Variants in FAM131B observed in about 807,000 individuals in gnomAD.
The protein encoded by FAM131B is family with sequence similarity 131 member B, also known as protein FAM131B.
Under a neutral mutation model 42.0 loss-of-function variants are expected in FAM131B, and 19 were observed. That is an observed-to-expected ratio of 0.45 (90% CI 0.32 to 0.66). The LOEUF (loss-of-function observed/expected upper bound fraction) is 0.66. FAM131B is among the 30% of genes least tolerant of loss of function. The pLI is 0.05. For missense variants in FAM131B, 370 were observed against 468.4 expected (o/e 0.79, Z 1.94); for synonymous variants, 183 against 177.6 (o/e 1.03, Z -0.24).
chr7:143,356,251 A>G lies in FAM131B; in HGVS notation c.*299T>C. 1 of 419,728 alleles carries G rather than the reference A, an allele frequency of 2.4e-6. No individual in the cohort carries two copies. The highest frequency in any genetic ancestry group is 4.3e-6 in the Non-Finnish European group (1 of 231,964). The allele number at this position is 419,728 out of a possible 1,614,324, so 26.0% of individuals were successfully genotyped here. A position where few individuals can be genotyped will look rare whatever the true frequency, so the allele number is the denominator to read the frequency against. ...CGCTGCCCCCGTCCTCAGGGTGCAC[A>G]CACTGGAGGCTTTGTCGGCACAGAC... On this transcript the variant is annotated 3_prime_UTR_variant, in exon 7 of 7. Coordinates refer to ENST00000443739, the MANE Select transcript of FAM131B (RefSeq NM_001031690.3). The surrounding 1 kb of genome is among the most constrained non-coding windows in gnomAD (Gnocchi z 4.4).
chr7:143,360,493 T>A, intron 1 of FAM131B: 1 of 932,392 alleles, frequency 1.1e-6, no homozygotes, highest in Non-Finnish European at 1.4e-6. Flanking sequence ...CTATTACAAG[T>A]CTACAGATAA....
chr7:143,360,408 G>A, intron 1 of FAM131B: 1 of 1,335,338 alleles, frequency 7.5e-7, no homozygotes, highest in Middle Eastern at 2.9e-4. Context: ...GTCAGAGGTT[G>A]GGTTTTATCA....
Position 143,359,696 on chromosome 7 carries a change from G to C in FAM131B, c.174+36C>G. On this transcript the variant is annotated intron_variant, in intron 3 of 6. Transcript: ENST00000443739. The surrounding 1 kb of genome is among the most constrained non-coding windows in gnomAD (Gnocchi z 5.4). ...GGGAGAAGATGAGGAGGAGGAGTTC[G>C]GGAGGATGGGGAGGTCTGGGGGCAG... 2 of 1,552,870 alleles carry C rather than the reference G, an allele frequency of 1.3e-6. No homozygotes were observed. The highest frequency in any genetic ancestry group is 2.4e-5 in the East Asian group (1 of 41,800).
chr7:143,375,474 A>G, the FAM131B span, among the ~76,000 whole-genome samples: 1 of 152,186 alleles, frequency 6.6e-6, no homozygotes, highest in Non-Finnish European at 1.5e-5. Flanking sequence ...TCCATTGGCT[A>G]CATGGGTCAC....
At chr7:143,370,993 G>C in the FAM131B span, among the ~76,000 whole-genome samples, 2 of 152,036 alleles carry the variant, frequency 1.3e-5, no homozygotes, top group Non-Finnish European at 2.9e-5. Flanking sequence ...AGGGACTCAT[G>C]GTTACTCCCT....
rs1320350804 is a variant in FAM131B at position 143,355,626 on chromosome 7, C to T, written c.*924G>A. ...TGAATAAGGGGAGACAGCCCTCATG[C>T]TCCCCCTGCTGTTGGCGACACCTGC... On this transcript the variant is annotated 3_prime_UTR_variant, in exon 7 of 7. Transcript: ENST00000443739. This position sits in a 1 kb window ranked among gnomAD's most constrained non-coding sequence, Gnocchi z 4.1. 6.6e-6 allele frequency: 1 copy of T among 152,658 alleles called. No homozygotes were observed. Among genetic ancestry groups the T allele is most frequent in the Non-Finnish European group, 1.5e-5 (1 of 68,048 alleles). The allele number at this position is 152,658 out of a possible 1,614,324, so 9.5% of individuals were successfully genotyped here.
chr7:143,378,364 G>A, the FAM131B span, among the ~76,000 whole-genome samples: 146 of 152,224 alleles, frequency 9.6e-4, no homozygotes, highest in African/African-American at 3.4e-3. Context: ...CCTTGGAGGC[G>A]CGTGAAGATG....
At chr7:143,382,127 C>A in the FAM131B span, 1 of 865,254 alleles carries the variant, frequency 1.2e-6, no homozygotes, top group Non-Finnish European at 1.7e-6. Flanking sequence ...TCCTTTGCTT[C>A]CCCACACGCT....
chr7:143,359,749 A>G lies in FAM131B; in HGVS notation c.157T>C (p.Ser53Pro), dbSNP rs1408347970. Residue 53 changes from serine to proline, a missense_variant, in exon 3 of 7, where the codon TCC becomes CCC. By Grantham distance (74) the Ser-to-Pro change is moderately conservative. Coordinates refer to ENST00000443739, the MANE Select transcript of FAM131B (RefSeq NM_001031690.3). This position sits in a 1 kb window ranked among gnomAD's most constrained non-coding sequence, Gnocchi z 5.4. ...PSTEQTRTDFSWDGINLSMED... is the reference protein window; with the variant it reads ...PSTEQTRTDFPWDGINLSMED... ...GCACTCACGTTGATGCCGTCCCAGG[A>G]GAAATCAGTTCGAGTTTGCTGTGAG... 2.5e-6 allele frequency: 4 copies of G among 1,571,442 alleles called. No individual in the cohort carries two copies. Among genetic ancestry groups the G allele is most frequent in the Non-Finnish European group, 3.5e-6 (4 of 1,157,718 alleles).
chr7:143,382,108 C>G, the FAM131B span: 56 of 649,138 alleles, frequency 8.6e-5, no homozygotes, highest in Middle Eastern at 7.2e-4. Context: ...CCAGGGCGCC[C>G]TGCGCCCCTC....
the FAM131B span, chr7:143,379,918 C>T: frequency 1.9e-5 from 6 of 317,954 alleles, no homozygotes; most frequent in Non-Finnish European, 2.7e-5. Flanking sequence ...TTAGATCCTG[C>T]CTTTACCTGG....
chr7:143,379,444 A>T, the FAM131B span, among the ~76,000 whole-genome samples: 2 of 152,246 alleles, frequency 1.3e-5, no homozygotes, highest in Non-Finnish European at 2.9e-5. Flanking sequence ...GGTGACAAAG[A>T]CAATGAGATG....
intron 6 of FAM131B, 36 bp downstream of exon 6, chr7:143,357,244 T>A (rs369203556): frequency 5.6e-6 from 9 of 1,607,676 alleles, no homozygotes; most frequent in Non-Finnish European, 7.7e-6. Flanking sequence ...GGAGGCCTCA[T>A]AGGCTCCAGA....
At chr7:143,380,568 C>T in the FAM131B span, 1,983 of 985,522 alleles carry the variant, frequency 2.0e-3, 29 homozygotes, top group African/African-American at 0.032. The surrounding 1 kb of genome is among the most constrained non-coding windows in gnomAD (Gnocchi z 5.0). Flanking sequence ...CTCCCACCTC[C>T]ATTCCCGGCC....
chr7:143,359,986 G>A lies in FAM131B; in HGVS notation c.138+54C>T. The A allele has an allele frequency of 3.0e-6, 4 of 1,350,150 alleles. No homozygotes were observed. Among genetic ancestry groups the A allele is most frequent in the Non-Finnish European group, 4.2e-6 (4 of 946,398 alleles). The allele number at this position is 1,350,150 out of a possible 1,614,324, so 83.6% of individuals were successfully genotyped here. A position where few individuals can be genotyped will look rare whatever the true frequency, so the allele number is the denominator to read the frequency against. ...AAGGAGTGTTTGGGTTGTTGCCTTG[G>A]AATTGAGGAAGTGCAGGCAGCCAGA... is the stretch of plus-strand genomic sequence containing the variant. On this transcript the variant is annotated intron_variant, in intron 2 of 6. Coordinates refer to ENST00000443739, the MANE Select transcript of FAM131B (RefSeq NM_001031690.3). This position sits in a 1 kb window ranked among gnomAD's most constrained non-coding sequence, Gnocchi z 5.4.
chr7:143,367,747 T>C (rs1804212315), upstream of FAM131B, among the ~76,000 whole-genome samples: 1 of 152,040 alleles, frequency 6.6e-6, no homozygotes, highest in Non-Finnish European at 1.5e-5. Flanking sequence ...TGGGCAAACG[T>C]GGCAGGCACA....
Position 143,353,558 on chromosome 7 carries a change from T to C in FAM131B, c.*2992A>G, listed in dbSNP as rs945953085. ...GCCCTTGTGTACATAATCTCTAATA[T>C]TTATATATATTGATATAGAATTCTC... On this transcript the variant is annotated 3_prime_UTR_variant, in exon 7 of 7. Coordinates refer to ENST00000443739, the MANE Select transcript of FAM131B (RefSeq NM_001031690.3). 1 of 152,546 alleles carries C rather than the reference T, an allele frequency of 6.6e-6. No homozygotes were observed. Among genetic ancestry groups the C allele is most frequent in the Non-Finnish European group, 1.5e-5 (1 of 68,034 alleles). 9.4% of individuals were successfully genotyped at this position (152,546 alleles called of 1,614,324 possible). A position where few individuals can be genotyped will look rare whatever the true frequency, so the allele number is the denominator to read the frequency against.
the FAM131B span, chr7:143,381,276 T>G: frequency 9.5e-7 from 1 of 1,053,380 alleles, no homozygotes; most frequent in Non-Finnish European, 1.2e-6. Context: ...CCCCGCCCCC[T>G]CTCTTCTCCC....
At chr7:143,381,227 C>G in the FAM131B span, 9 of 1,010,370 alleles carry the variant, frequency 8.9e-6, no homozygotes, top group Non-Finnish European at 1.1e-5. Flanking sequence ...CCCGCCCCCT[C>G]TCCGGGCCGC....
Sources: gnomAD v4.1 joint callset for allele counts (sites outside exome capture counted in the v4.1 genomes callset) on GRCh38, gnomAD v4.1.1 for gene constraint, Gnocchi (gnomAD v3.1) non-coding constraint, MANE v1.5 for transcripts, NCBI Gene and HGNC (gene_info 2026-07-23, HGNC 2026-07-21) for gene names.